ZHX3: variants seen among roughly 807,000 people sequenced by gnomAD.
ZHX3 encodes the protein zinc fingers and homeoboxes protein 3.
Under a neutral mutation model 64.5 loss-of-function variants are expected in ZHX3, and 20 were observed. That is an observed-to-expected ratio of 0.31 (90% confidence interval 0.22 to 0.45). The LOEUF is 0.45. Ranked by LOEUF, ZHX3 falls within the 20% of genes least tolerant of loss-of-function variation. ZHX3 has a pLI of 1.00. For synonymous variants in ZHX3, 423 were observed against 461.6 expected, an observed-to-expected ratio of 0.92 and a Z score of 1.07; for missense variants, 1,041 against 1,195.8, an observed-to-expected ratio of 0.87 and a Z score of 1.91.
At chr20:41,186,650 CGTT>C (rs1166178887) in intron 3 of ZHX3, among the ~76,000 whole-genome samples, 3 of 152,112 alleles carry the variant, frequency 2.0e-5, no homozygotes, top group Non-Finnish European at 4.4e-5. Context: ...CCTCCCAACA[CGTT>C]GTTTTCTCTG....
At chr20:41,274,731 G>A (rs979588168) in intron 1 of ZHX3, among the ~76,000 whole-genome samples, 1 of 152,184 alleles carries the variant, frequency 6.6e-6, no homozygotes, top group African/African-American at 2.4e-5. Context: ...GTCTGAGTGA[G>A]GGGCAGTGAT....
At position 41,180,852 on chromosome 20, in the gene ZHX3, T is replaced by A. The variant is rs1167691185; in HGVS notation, c.*4339A>T. 1 of 152,278 alleles carries A rather than the reference T, an allele frequency of 6.6e-6. No individual in the cohort carries two copies. The highest frequency in any genetic ancestry group is 1.5e-5 in the Non-Finnish European group (1 of 68,084). 9.4% of individuals were successfully genotyped at this position (152,278 alleles called of 1,614,324 possible). On this transcript the variant is annotated 3_prime_UTR_variant, in exon 4 of 4. Coordinates refer to ENST00000683867, the MANE Select transcript of ZHX3 (RefSeq NM_001384317.1). ...TCAAAACTGGTTGCCTCACCAGCCC[T>A]GGTGTGGCATGGCCCAACCATGTCC...
At chr20:41,265,137 T>TA (rs978393195) in intron 2 of ZHX3, among the ~76,000 whole-genome samples, 9 of 151,352 alleles carry the variant, frequency 5.9e-5, no homozygotes, top group African/African-American at 1.7e-4. Flanking sequence ...ATATACTTTT[T>TA]AAAAAATATA....
intron 1 of ZHX3, among the ~76,000 whole-genome samples, chr20:41,310,801 A>ATTTTTTTTT (rs72312127): frequency 1.2e-5 from 1 of 82,140 alleles, no homozygotes; most frequent in Non-Finnish European, 2.1e-5. Flanking sequence ...GTTAATTCTG[A>ATTTTTTTTT]TTTTTTTTTT....
chr20:41,301,946 T>C (rs1163831422), intron 1 of ZHX3, among the ~76,000 whole-genome samples: 4 of 146,904 alleles, frequency 2.7e-5, no homozygotes, highest in Non-Finnish European at 4.5e-5. Flanking sequence ...CCCAGCTACT[T>C]GGGAGGCTGA....
chr20:41,292,397 T>C (rs1210462202), intron 1 of ZHX3, among the ~76,000 whole-genome samples: 1 of 152,224 alleles, frequency 6.6e-6, no homozygotes, highest in Non-Finnish European at 1.5e-5. Flanking sequence ...ACTTCTTTAC[T>C]TTCTAACCAA....
intron 2 of ZHX3, among the ~76,000 whole-genome samples, chr20:41,211,257 A>G (rs2039138836): frequency 6.6e-6 from 1 of 152,198 alleles, no homozygotes; most frequent in South Asian, 2.1e-4. Context: ...TCTAATGACT[A>G]AAACAATAGT....
At position 41,186,681 on chromosome 20, in the gene ZHX3, G is replaced by C. The variant is rs991893248; in HGVS notation, c.2861-1480C>G. Among the ~76,000 whole-genome samples the C allele has an allele frequency of 2.6e-4, 39 of 152,198 alleles. 1 individual carries two copies. The highest frequency in any genetic ancestry group is 8.0e-4 in the African/African-American group (33 of 41,452). On this transcript the variant is annotated intron_variant, in intron 3 of 3. Coordinates refer to ENST00000683867, the MANE Select transcript of ZHX3 (RefSeq NM_001384317.1). ...TTTCTCTGGGTGTGTGTTTGTAACA[G>C]CCATCTTAAGTGTGAAGTGGTATCA...
intron 1 of ZHX3, among the ~76,000 whole-genome samples, chr20:41,279,059 G>A (rs993499857): frequency 6.6e-6 from 1 of 152,136 alleles, no homozygotes; most frequent in Non-Finnish European, 1.5e-5. Context: ...TTCCAGACGT[G>A]AGCCACTGCA....
intron 2 of ZHX3, among the ~76,000 whole-genome samples, chr20:41,215,198 A>G (rs187038233): frequency 2.6e-5 from 4 of 152,344 alleles, no homozygotes; most frequent in Admixed American, 2.6e-4. Context: ...CAGAGATTGC[A>G]GTGAGCCAAG....
In ZHX3 at chr20:41,182,107, A is replaced by G. The variant is rs746405531; in HGVS notation, c.*3084T>C. 3.3e-5 allele frequency: 5 copies of G among 152,216 alleles called. No individual in the cohort carries two copies. Among genetic ancestry groups the G allele is most frequent in the Non-Finnish European group, 5.9e-5 (4 of 68,040 alleles). 9.4% of individuals were successfully genotyped at this position (152,216 alleles called of 1,614,324 possible). On this transcript the variant is annotated 3_prime_UTR_variant, in exon 4 of 4. Transcript: ENST00000683867. This position sits in a 1 kb window ranked among gnomAD's most constrained non-coding sequence, Gnocchi z 6.1. The stretch of plus-strand genomic sequence containing the variant: ...AACAAGTAATCAAAATATACAAAGC[A>G]TATGTATCAAATTTAAATTTCCTTT...
At chr20:41,263,242 A>G (rs77422712) in intron 2 of ZHX3, among the ~76,000 whole-genome samples, 21,074 of 152,198 alleles carry the variant, frequency 0.14, 1,686 homozygotes, top group Non-Finnish European at 0.17. Context: ...AATGATAATG[A>G]AGTTGGAAAA....
intron 1 of ZHX3, among the ~76,000 whole-genome samples, chr20:41,286,978 T>C (rs542953400): frequency 1.3e-5 from 2 of 152,316 alleles, no homozygotes; most frequent in African/African-American, 4.8e-5. Flanking sequence ...GACTGTAAGT[T>C]GAGGCCTCAT....
intron 2 of ZHX3, among the ~76,000 whole-genome samples, chr20:41,262,591 T>A (rs1021483783): frequency 1.3e-5 from 2 of 152,210 alleles, no homozygotes; most frequent in African/African-American, 4.8e-5. Context: ...ACACATCACA[T>A]CTTTTGCCAT....
chr20:41,302,082 A>AAAAG (rs2044839623), intron 1 of ZHX3, among the ~76,000 whole-genome samples: 1 of 143,634 alleles, frequency 7.0e-6, no homozygotes, highest in South Asian at 2.2e-4. Context: ...AAAAAAAAAA[A>AAAAG]GGAACAGGCC....
intron 2 of ZHX3, among the ~76,000 whole-genome samples, chr20:41,209,001 T>C (rs1343459561): frequency 6.6e-6 from 1 of 152,208 alleles, no homozygotes; most frequent in African/African-American, 2.4e-5. Flanking sequence ...AGTCTCAGGA[T>C]ACAAAATCAA....
intron 2 of ZHX3, among the ~76,000 whole-genome samples, chr20:41,230,769 C>T (rs2040554133): frequency 6.6e-6 from 1 of 152,186 alleles, no homozygotes; most frequent in South Asian, 2.1e-4. Flanking sequence ...AGATATTTCC[C>T]ATATACCCAC....
At chr20:41,255,486 A>G in intron 2 of ZHX3, among the ~76,000 whole-genome samples, 1 of 152,172 alleles carries the variant, frequency 6.6e-6, no homozygotes, top group East Asian at 1.9e-4. Context: ...CCAGGTTCGT[A>G]GAGCTAAGTC....
Position 41,254,322 on chromosome 20 carries a change from T to C in ZHX3, c.-151+14668A>G. On this transcript the variant is annotated intron_variant, in intron 2 of 3. Transcript: ENST00000683867. ...ACAAGTTGCTTAACCCCAGCTCCTC[T>C]GCATCTCAGTTTCCTCATCTATGGA... Among the ~76,000 whole-genome samples the C allele has an allele frequency of 1.3e-5, 2 of 152,200 alleles. 1 individual carries two copies. Among genetic ancestry groups the C allele is most frequent in the Non-Finnish European group, 2.9e-5 (2 of 68,030 alleles).
Sources: allele counts gnomAD v4.1 joint callset (sites outside exome capture counted in the v4.1 genomes callset), GRCh38; gene constraint gnomAD v4.1.1; non-coding constraint Gnocchi (gnomAD v3.1); transcripts MANE v1.5; gene names NCBI Gene and HGNC (gene_info 2026-07-23, HGNC 2026-07-21).